Variants in RANBP2 observed in about 807,000 individuals in gnomAD.
RANBP2 encodes RAN binding protein 2.
In RANBP2, 57 loss-of-function variants were observed where a neutral mutation model predicts 303.6. The ratio of observed to expected loss-of-function variants is 0.19; its 90% confidence interval spans 0.15 to 0.23. The LOEUF (loss-of-function observed/expected upper bound fraction) is 0.23, where lower values mean the gene tolerates loss of function less well. Among genes scored for constraint, RANBP2 ranks in the 10% least tolerant of loss-of-function variants. The pLI, the probability that RANBP2 is intolerant of heterozygous loss-of-function variation, is 1.00. For missense variants in RANBP2, 3,138 were observed against 3,780.8 expected (o/e 0.83, Z 4.46); for synonymous variants, 1,167 against 1,301.5 (o/e 0.90, Z 2.23).
chr2:108,925,632 C>T, the RANBP2 span, among the ~76,000 whole-genome samples: 3,391 of 139,190 alleles, frequency 0.024, 141 homozygotes, highest in African/African-American at 0.1. Context: ...TTTTTTTTTT[C>T]CCCCTGAAAC....
At chr2:109,712,989 A>G in the RANBP2 span, among the ~76,000 whole-genome samples, 6 of 152,232 alleles carry the variant, frequency 3.9e-5, no homozygotes, top group South Asian at 2.1e-4. Context: ...GACAAGGAGA[A>G]AACTTCTGTT....
the RANBP2 span, among the ~76,000 whole-genome samples, chr2:108,963,700 C>A: frequency 6.6e-6 from 1 of 152,226 alleles, no homozygotes; most frequent in Non-Finnish European, 1.5e-5. Flanking sequence ...GAGAGCACTG[C>A]AGAATGTTGC....
At chr2:109,236,019 A>G in the RANBP2 span, among the ~76,000 whole-genome samples, 1 of 151,884 alleles carries the variant, frequency 6.6e-6, no homozygotes, top group African/African-American at 2.4e-5. Flanking sequence ...TTGACCTATT[A>G]TAATATGCAT....
At chr2:108,888,123 A>G in the RANBP2 span, among the ~76,000 whole-genome samples, 3 of 152,048 alleles carry the variant, frequency 2.0e-5, no homozygotes, top group African/African-American at 7.2e-5. Context: ...TGAGATGATC[A>G]TATGGTTTTT....
At chr2:108,993,882 G>C in the RANBP2 span, among the ~76,000 whole-genome samples, 3 of 152,124 alleles carry the variant, frequency 2.0e-5, no homozygotes, top group African/African-American at 7.2e-5. Context: ...TCTGGAGGCT[G>C]GGAAGTCCGA....
chr2:109,427,547 TTCCA>T, the RANBP2 span, among the ~76,000 whole-genome samples: 7 of 152,080 alleles, frequency 4.6e-5, no homozygotes, highest in Non-Finnish European at 8.8e-5. Context: ...CTCTAACAAG[TTCCA>T]GGTGAGGCCA....
chr2:108,875,305 AACTT>A, the RANBP2 span, among the ~76,000 whole-genome samples: 1 of 121,494 alleles, frequency 8.2e-6, no homozygotes, highest in Non-Finnish European at 1.7e-5. Context: ...TGTACCCTAA[AACTT>A]AAAGTATAAT....
chr2:109,694,000 C>T, the RANBP2 span, among the ~76,000 whole-genome samples: 40 of 152,242 alleles, frequency 2.6e-4, no homozygotes, highest in African/African-American at 8.2e-4. Context: ...CAAAGCAAAA[C>T]GAAATGAGGT....
the RANBP2 span, among the ~76,000 whole-genome samples, chr2:109,211,303 C>T: frequency 6.6e-6 from 1 of 152,152 alleles, no homozygotes; most frequent in Non-Finnish European, 1.5e-5. Flanking sequence ...GGTTACAAGC[C>T]TGGATTTTGT....
At chr2:109,080,627 G>A in the RANBP2 span, among the ~76,000 whole-genome samples, 55 of 152,202 alleles carry the variant, frequency 3.6e-4, no homozygotes, top group African/African-American at 1.3e-3. Context: ...TGGAGATAGT[G>A]ACCAACCTTT....
At chr2:108,877,050 A>C in the RANBP2 span, among the ~76,000 whole-genome samples, 3 of 152,204 alleles carry the variant, frequency 2.0e-5, no homozygotes, top group Non-Finnish European at 2.9e-5. Flanking sequence ...AGTTAGAAGA[A>C]ATTTTCAAGA....
At chr2:109,560,633 T>C in the RANBP2 span, among the ~76,000 whole-genome samples, 1 of 152,196 alleles carries the variant, frequency 6.6e-6, no homozygotes, top group African/African-American at 2.4e-5. Context: ...CTTGTAATTG[T>C]CACTTTGCTG....
chr2:109,551,182 G>A, the RANBP2 span, among the ~76,000 whole-genome samples: 1 of 152,086 alleles, frequency 6.6e-6, no homozygotes, highest in Non-Finnish European at 1.5e-5. Context: ...GTCATCTAAT[G>A]TTCACACACT....
At chr2:109,554,268 A>G in the RANBP2 span, among the ~76,000 whole-genome samples, 1 of 152,222 alleles carries the variant, frequency 6.6e-6, no homozygotes, top group South Asian at 2.1e-4. Flanking sequence ...ATGTAATTCA[A>G]AAACAAACAA....
the RANBP2 span, among the ~76,000 whole-genome samples, chr2:108,944,862 G>A: frequency 1.5e-4 from 23 of 152,172 alleles, no homozygotes; most frequent in Admixed American, 2.6e-4. Flanking sequence ...AGCTATGGTC[G>A]CCGCCACCTG....
At chr2:109,283,579 C>T in the RANBP2 span, among the ~76,000 whole-genome samples, 2 of 152,180 alleles carry the variant, frequency 1.3e-5, no homozygotes, top group South Asian at 2.1e-4. Context: ...TGGGGGCACA[C>T]TTCAGCCCCT....
the RANBP2 span, among the ~76,000 whole-genome samples, chr2:109,735,478 ATCTCTC>A: frequency 2.7e-5 from 4 of 147,328 alleles, no homozygotes; most frequent in South Asian, 2.1e-4. Flanking sequence ...AGTAATGCAG[ATCTCTC>A]TCTCTCTCTC....
the RANBP2 span, among the ~76,000 whole-genome samples, chr2:109,627,108 T>C: frequency 1.3e-5 from 2 of 152,176 alleles, no homozygotes; most frequent in Non-Finnish European, 2.9e-5. Context: ...TAGTGTGCAA[T>C]GATCACACAT....
chr2:108,934,442 G>A, the RANBP2 span, among the ~76,000 whole-genome samples: 3 of 152,208 alleles, frequency 2.0e-5, no homozygotes, highest in Non-Finnish European at 4.4e-5. Flanking sequence ...CCTGACTGAC[G>A]TGGGGCTCCA....
Sources: gnomAD v4.1 joint callset for allele counts (sites outside exome capture counted in the v4.1 genomes callset) on GRCh38, gnomAD v4.1.1 for gene constraint, MANE v1.5 for transcripts, NCBI Gene and HGNC (gene_info 2026-07-23, HGNC 2026-07-21) for gene names.